Variants in TAFA1 observed in about 807,000 individuals in gnomAD.
TAFA1 encodes TAFA chemokine like family member 1, also known as chemokine-like protein TAFA-1.
Under a neutral mutation model 18.5 loss-of-function variants are expected in TAFA1, and 4 were observed. The ratio of observed to expected loss-of-function variants is 0.22; its 90% CI spans 0.11 to 0.49. TAFA1 has a LOEUF of 0.49. Among genes scored for constraint, TAFA1 ranks in the 20% least tolerant of loss-of-function variants. The pLI, the probability that TAFA1 is intolerant of heterozygous loss-of-function variation, is 0.98. For missense variants in TAFA1, 147 were observed against 169.0 expected, an observed-to-expected ratio of 0.87 and a Z score of 0.72; for synonymous variants, 56 against 55.2, an observed-to-expected ratio of 1.01 and a Z score of -0.06.
chr3:68,417,128 T>C, intron 2 of TAFA1, 152 bp from the exon 3 acceptor site: 2 of 623,962 alleles, frequency 3.2e-6, no homozygotes, highest in South Asian at 4.1e-5. Context: ...TGATTACACG[T>C]AGTAGAAGAG....
intron 2 of TAFA1, among the ~76,000 whole-genome samples, chr3:68,222,818 G>A (rs889958194): frequency 2.6e-5 from 4 of 151,692 alleles, no homozygotes; most frequent in Admixed American, 6.6e-5. Context: ...GATTACAGGC[G>A]CCTGCCACTA....
intron 2 of TAFA1, among the ~76,000 whole-genome samples, chr3:68,237,089 C>T (rs1396685743): frequency 2.6e-5 from 4 of 152,150 alleles, no homozygotes; most frequent in African/African-American, 9.7e-5. Flanking sequence ...CTGCTATAAC[C>T]AAATACCATA....
In TAFA1 at chr3:68,145,628, G is replaced by A. The variant is rs1197906771; in HGVS notation, c.118+138884G>A. 6 of 1,330,678 alleles carry A rather than the reference G, an allele frequency of 4.5e-6. No individual in the cohort carries two copies. In the East Asian group the frequency reaches 1.4e-4, roughly 31 times the overall value. 82.4% of individuals were successfully genotyped at this position (1,330,678 alleles called of 1,614,324 possible). Reference sequence around the variant, plus strand: ...GACGGATTATGTGGCTTTCCTTGAAGACTGACTTATCACTCTGAGTTCAAG... The same window carrying A: ...GACGGATTATGTGGCTTTCCTTGAAAACTGACTTATCACTCTGAGTTCAAG... On this transcript the variant is annotated intron_variant, in intron 2 of 4. Transcript: ENST00000478136.
rs922133393 is a variant in TAFA1 at position 68,254,531 on chromosome 3, G to A, written c.119-162749G>A. 5.3e-5 allele frequency among the ~76,000 whole-genome samples: 8 copies of A among 152,140 alleles called. No homozygotes were observed. The East Asian group carries it at 1.5e-3, about 29-fold the overall frequency. ...ACTTCCATATGGCTTTCATGGTGGG[G>A]AGGGGACTATAATTACTGAGGTCAC... On this transcript the variant is annotated intron_variant, in intron 2 of 4. Coordinates refer to ENST00000478136, the MANE Select transcript of TAFA1 (RefSeq NM_213609.4).
chr3:68,151,767 G>T (rs1266292474), intron 2 of TAFA1, among the ~76,000 whole-genome samples: 2 of 152,172 alleles, frequency 1.3e-5, no homozygotes, highest in African/African-American at 4.8e-5. Flanking sequence ...TAGGGATTAA[G>T]TTTCCATCAC....
chr3:68,452,713 C>T lies in TAFA1; in HGVS notation c.259+35293C>T, dbSNP rs138138223. Among the ~76,000 whole-genome samples, 32 of 152,230 alleles carry T rather than the reference C, an allele frequency of 2.1e-4. No individual in the cohort carries two copies. The South Asian group carries it at 2.9e-3, about 14-fold the overall frequency. On this transcript the variant is annotated intron_variant, in intron 3 of 4. Coordinates refer to ENST00000478136, the MANE Select transcript of TAFA1 (RefSeq NM_213609.4). ...ATGTCTTTGTTTTCCATCAGGGAGG[C>T]ATCCAGGGCATGTGTGAAATTGATT...
chr3:68,403,660 C>T (rs1337370771), intron 2 of TAFA1, among the ~76,000 whole-genome samples: 1 of 152,178 alleles, frequency 6.6e-6, no homozygotes, highest in African/African-American at 2.4e-5. Flanking sequence ...TTTGAGGTTG[C>T]ATTTGTGATA....
At chr3:68,223,678 C>T (rs550253881) in intron 2 of TAFA1, among the ~76,000 whole-genome samples, 13 of 152,114 alleles carry the variant, frequency 8.5e-5, no homozygotes, top group Middle Eastern at 3.4e-3. Flanking sequence ...GGGATTATTC[C>T]CCATGTTCAC....
chr3:67,998,373 A>G, the TAFA1 span, among the ~76,000 whole-genome samples: 2 of 152,108 alleles, frequency 1.3e-5, no homozygotes, highest in African/African-American at 2.4e-5. Flanking sequence ...TCCTTTTCCC[A>G]TTATTATCCT....
chr3:68,171,619 G>A lies in TAFA1; in HGVS notation c.118+164875G>A, dbSNP rs2066054857. 2.0e-5 allele frequency among the ~76,000 whole-genome samples: 3 copies of A among 152,158 alleles called. No individual in the cohort carries two copies. The South Asian group carries it at 6.2e-4, about 32-fold the overall frequency. On this transcript the variant is annotated intron_variant, in intron 2 of 4. Transcript: ENST00000478136. ...AATAGAAGCTATCTCTCAGGAAGAT[G>A]TATGTTGGACTTACTATACAAAGAC...
chr3:68,020,150 A>G (rs929470131), intron 2 of TAFA1, among the ~76,000 whole-genome samples: 4 of 152,002 alleles, frequency 2.6e-5, no homozygotes, highest in Admixed American at 6.6e-5. Context: ...TCTTTTATGC[A>G]ATTCAGTTGT....
At chr3:68,180,966 C>G (rs1000566100) in intron 2 of TAFA1, among the ~76,000 whole-genome samples, 4 of 152,208 alleles carry the variant, frequency 2.6e-5, no homozygotes, top group African/African-American at 9.6e-5. Context: ...TCTTGGTCTT[C>G]CCTTCTCTAG....
chr3:68,140,984 T>C (rs141097002), intron 2 of TAFA1, among the ~76,000 whole-genome samples: 1 of 152,162 alleles, frequency 6.6e-6, no homozygotes, highest in Non-Finnish European at 1.5e-5. Flanking sequence ...AAAAGAAACA[T>C]ACCAAACCTG....
intron 2 of TAFA1, among the ~76,000 whole-genome samples, chr3:68,403,540 T>C (rs2070537415): frequency 6.6e-6 from 1 of 152,216 alleles, no homozygotes; most frequent in African/African-American, 2.4e-5. Context: ...AAAAATGATC[T>C]TCACCTTTGA....
intron 2 of TAFA1, among the ~76,000 whole-genome samples, chr3:68,096,647 C>G (rs987623492): frequency 5.9e-5 from 9 of 152,054 alleles, no homozygotes; most frequent in Non-Finnish European, 1.0e-4. Flanking sequence ...GTATTCACAG[C>G]CAAGCTGGGA....
chr3:68,420,092 A>T (rs1478136087), intron 3 of TAFA1, among the ~76,000 whole-genome samples: 1 of 152,168 alleles, frequency 6.6e-6, no homozygotes. Flanking sequence ...TCAGGGCATG[A>T]ATATATTTGA....
intron 2 of TAFA1, among the ~76,000 whole-genome samples, chr3:68,385,081 G>C (rs903990004): frequency 2.0e-5 from 3 of 151,672 alleles, no homozygotes; most frequent in African/African-American, 7.3e-5. Context: ...ATTACTAACT[G>C]TGGGACCTTG....
chr3:68,408,918 T>G (rs1456653501), intron 2 of TAFA1, among the ~76,000 whole-genome samples: 12 of 152,178 alleles, frequency 7.9e-5, no homozygotes, highest in Admixed American at 7.9e-4. Context: ...GTGCCAGATT[T>G]CAAGCTTAGT....
chr3:68,353,143 T>C (rs2069300267), intron 2 of TAFA1, among the ~76,000 whole-genome samples: 1 of 152,062 alleles, frequency 6.6e-6, no homozygotes, highest in African/African-American at 2.4e-5. Flanking sequence ...TCCACTGGGC[T>C]GGAATTAAGT....
Sources: gnomAD v4.1 joint callset for allele counts (sites outside exome capture counted in the v4.1 genomes callset) on GRCh38, gnomAD v4.1.1 for gene constraint, MANE v1.5 for transcripts, NCBI Gene and HGNC (gene_info 2026-07-23, HGNC 2026-07-21) for gene names.